The following GLI2 variants were observed in gnomAD, a reference collection of about 807,000 sequenced individuals.
GLI2 encodes GLI family zinc finger 2, also known as transcription activator GLI2.
A neutral mutation model predicts 78.9 loss-of-function variants in GLI2; 22 were observed. That is an observed-to-expected ratio of 0.28 (90% confidence interval 0.20 to 0.40). GLI2 has a LOEUF of 0.40. Ranked by LOEUF, GLI2 falls within the 10% of genes least tolerant of loss-of-function variation. The pLI is 1.00. For synonymous variants in GLI2, 974 were observed against 963.7 expected (o/e 1.01, Z -0.20); for missense variants, 2,097 against 2,213.2 (o/e 0.95, Z 1.05).
At chr2:120,900,444 T>G (rs1318004776) in intron 2 of GLI2, among the ~76,000 whole-genome samples, 2 of 152,178 alleles carry the variant, frequency 1.3e-5, no homozygotes, top group East Asian at 3.9e-4. Context: ...AGTTTCCAAA[T>G]AGTAAAGTCA....
At chr2:120,809,609 C>A (rs1047579870) in intron 2 of GLI2, among the ~76,000 whole-genome samples, 1 of 151,902 alleles carries the variant, frequency 6.6e-6, no homozygotes, top group East Asian at 1.9e-4. Context: ...GGAGGGAGGG[C>A]GCCTGTGGCG....
intron 2 of GLI2, among the ~76,000 whole-genome samples, chr2:120,811,982 C>G (rs1685265284): frequency 6.6e-6 from 1 of 152,134 alleles, no homozygotes; most frequent in Admixed American, 6.5e-5. Context: ...AACTGACATT[C>G]TAGTTGGGAG....
At chr2:120,884,516 C>T (rs1573536081) in intron 2 of GLI2, among the ~76,000 whole-genome samples, 2 of 152,168 alleles carry the variant, frequency 1.3e-5, no homozygotes, top group Admixed American at 1.3e-4. Context: ...GGGTTTCCAG[C>T]TAAACCTTCC....
chr2:120,909,635 G>A (rs1287340242), intron 2 of GLI2, among the ~76,000 whole-genome samples: 1 of 152,130 alleles, frequency 6.6e-6, no homozygotes, highest in African/African-American at 2.4e-5. Context: ...GGAGGCCGAG[G>A]CAGGCAGATC....
chr2:120,765,812 T>G (rs1683350211), intron 1 of GLI2, among the ~76,000 whole-genome samples: 1 of 152,238 alleles, frequency 6.6e-6, no homozygotes, highest in South Asian at 2.1e-4. Flanking sequence ...GACCGCTGTC[T>G]CCTTGTGTTT....
intron 1 of GLI2, among the ~76,000 whole-genome samples, chr2:120,772,064 G>T (rs1158949586): frequency 6.6e-6 from 1 of 152,196 alleles, no homozygotes; most frequent in Non-Finnish European, 1.5e-5. Flanking sequence ...GATGGAGGGG[G>T]ATGCAGGGTG....
At position 120,989,478 on chromosome 2, in the gene GLI2, G is replaced by A. The variant is rs140392004; in HGVS notation, c.3513G>A (p.Pro1171=). 4.3e-6 allele frequency: 7 copies of A among 1,612,962 alleles called. No individual in the cohort carries two copies. The highest frequency in any genetic ancestry group is 1.1e-5 in the South Asian group (1 of 91,052). Residue 1171 remains proline (P), a synonymous_variant, in exon 14 of 14, where the codon CCG becomes CCA. Coordinates refer to ENST00000361492, the MANE Select transcript of GLI2 (RefSeq NM_001374353.1). The part of the protein sequence containing the change: ...PAFGQYPGYS[P]QGLQASPGGL... ...TTGGCCAGTACCCGGGCTACAGTCC[G>A]CAAGGCCTACAGGCTAGCCCTGGGG...
At chr2:120,977,069 C>A (rs1682488213) in intron 9 of GLI2, among the ~76,000 whole-genome samples, 1 of 152,206 alleles carries the variant, frequency 6.6e-6, no homozygotes, top group African/African-American at 2.4e-5. Flanking sequence ...CCAGCAGGGG[C>A]ATCTGTACGC....
intron 7 of GLI2, among the ~76,000 whole-genome samples, 164 bp from the exon 8 acceptor site, chr2:120,971,776 TG>T (rs1682186642): frequency 6.6e-6 from 1 of 152,186 alleles, no homozygotes; most frequent in Non-Finnish European, 1.5e-5. Context: ...TAGCAGGACA[TG>T]TGCCCCTGGC....
intron 1 of GLI2, among the ~76,000 whole-genome samples, chr2:120,794,657 G>A (rs748322154): frequency 1.3e-5 from 2 of 152,116 alleles, no homozygotes; most frequent in Non-Finnish European, 2.9e-5. Flanking sequence ...GGAGGAAGGT[G>A]TCTTAAGGAT....
At chr2:120,779,806 G>T (rs925558740) in intron 1 of GLI2, among the ~76,000 whole-genome samples, 1 of 152,178 alleles carries the variant, frequency 6.6e-6, no homozygotes, top group African/African-American at 2.4e-5. Flanking sequence ...TAACCACTCC[G>T]CCATCCTGCC....
chr2:120,951,135 C>A, intron 3 of GLI2, 108 bp from the exon 4 acceptor site: 3 of 763,224 alleles, frequency 3.9e-6, no homozygotes, highest in Non-Finnish European at 7.3e-6. Context: ...GCAGGTTGTT[C>A]TGGAAAGTCT....
intron 2 of GLI2, among the ~76,000 whole-genome samples, chr2:120,906,403 A>G (rs1191924435): frequency 1.3e-5 from 2 of 152,140 alleles, no homozygotes; most frequent in Admixed American, 6.5e-5. Context: ...TGGAGCACCC[A>G]GGGTCCAGAT....
intron 2 of GLI2, among the ~76,000 whole-genome samples, chr2:120,860,412 C>T (rs1219728256): frequency 2.6e-5 from 4 of 152,208 alleles, no homozygotes; most frequent in Non-Finnish European, 5.9e-5. Context: ...AGGCCCCCAA[C>T]ACAGGCCCTG....
chr2:120,748,565 G>T (rs943448718), intron 1 of GLI2, among the ~76,000 whole-genome samples: 2 of 152,176 alleles, frequency 1.3e-5, no homozygotes, highest in African/African-American at 4.8e-5. Flanking sequence ...GGGTGGCTTT[G>T]TGGTCCCCCC....
chr2:120,978,832 G>T (rs894287500), intron 10 of GLI2, among the ~76,000 whole-genome samples: 1 of 152,196 alleles, frequency 6.6e-6, no homozygotes, highest in East Asian at 1.9e-4. Flanking sequence ...TGGCAAAAAT[G>T]TGTGGGTGTG....
intron 2 of GLI2, among the ~76,000 whole-genome samples, chr2:120,825,568 T>A (rs550734131): frequency 0.043 from 6,377 of 149,614 alleles, 457 homozygotes; most frequent in African/African-American, 0.15. Context: ...GTGAGTGTGC[T>A]CCTGGCTGTG....
At chr2:120,792,575 C>A (rs11690997) in intron 1 of GLI2, 1 of 151,888 alleles carries the variant, frequency 6.6e-6, no homozygotes, top group Non-Finnish European at 1.5e-5. Flanking sequence ...AAAAATGTAT[C>A]TTTTCATCAG....
At chr2:120,750,144 T>C (rs528335293) in intron 1 of GLI2, among the ~76,000 whole-genome samples, 1 of 152,358 alleles carries the variant, frequency 6.6e-6, no homozygotes, top group Admixed American at 6.5e-5. Flanking sequence ...TGGCCCCTCG[T>C]GTCCCTGTCG....
Sources: gnomAD v4.1 joint callset for allele counts (sites outside exome capture counted in the v4.1 genomes callset) on GRCh38, gnomAD v4.1.1 for gene constraint, MANE v1.5 for transcripts, NCBI Gene and HGNC (gene_info 2026-07-23, HGNC 2026-07-21) for gene names.